Variants in BRCA1 observed in about 807,000 individuals in gnomAD.
BRCA1 encodes BRCA1 DNA repair associated.
Under a neutral mutation model 173.7 loss-of-function variants are expected in BRCA1, and 140 were observed. The ratio of observed to expected loss-of-function variants is 0.81; its 90% CI spans 0.70 to 0.93. The LOEUF is 0.93. BRCA1 is among the 40% of genes least tolerant of loss of function. The pLI is 0.00. For missense variants in BRCA1, 1,983 were observed against 2,172.5 expected, an observed-to-expected ratio of 0.91 and a Z score of 1.73; for synonymous variants, 662 against 756.0, an observed-to-expected ratio of 0.88 and a Z score of 2.04.
intron 7 of BRCA1, among the ~76,000 whole-genome samples, chr17:43,099,243 A>G (rs965754854): frequency 2.6e-5 from 4 of 151,242 alleles, no homozygotes; most frequent in African/African-American, 9.7e-5. Context: ...ATATTTACAC[A>G]TATTTAAAAC....
At chr17:43,151,681 A>G (rs2056162843) in intron 1 of BRCA1, among the ~76,000 whole-genome samples, 1 of 152,154 alleles carries the variant, frequency 6.6e-6, no homozygotes, top group Admixed American at 6.5e-5. Flanking sequence ...CTTGAGGCCA[A>G]TAGTTTGAAA....
chr17:43,050,361 C>T (rs2051153515), intron 20 of BRCA1, among the ~76,000 whole-genome samples: 1 of 152,050 alleles, frequency 6.6e-6, no homozygotes, highest in South Asian at 2.1e-4. Flanking sequence ...GTAATCCTAG[C>T]ACTTTGGGAG....
intron 19 of BRCA1, among the ~76,000 whole-genome samples, chr17:43,056,260 T>C (rs1364406397): frequency 7.3e-5 from 11 of 151,424 alleles, no homozygotes; most frequent in African/African-American, 2.7e-4. Flanking sequence ...TGTAGTCCCC[T>C]CTTCTTGGGC....
At chr17:43,111,747 G>A (rs2055045766) in intron 3 of BRCA1, among the ~76,000 whole-genome samples, 1 of 151,770 alleles carries the variant, frequency 6.6e-6, no homozygotes. Context: ...GTGTGAACCC[G>A]GGAGGTGGAG....
At chr17:43,131,345 T>A in intron 1 of BRCA1, 1 of 455,162 alleles carries the variant, frequency 2.2e-6, no homozygotes, top group Non-Finnish European at 4.4e-6. Flanking sequence ...TGGGCTTTAA[T>A]AATTCGAAGT....
chr17:43,092,006 A>C lies in BRCA1; in HGVS notation c.3525T>G (p.Ala1175=), dbSNP rs1131692086. 1 of 1,614,126 alleles carries C rather than the reference A, an allele frequency of 6.2e-7. No homozygotes were observed. Among genetic ancestry groups the C allele is most frequent in the Non-Finnish European group, 8.5e-7 (1 of 1,180,012 alleles). The change falls in exon 10 of 23, where the codon GCT becomes GCG. Residue 1175 remains alanine, a synonymous_variant. Transcript: ENST00000357654. ...FAENDIKESS[A]VFSKSVQKGE... ...CTTTCTGGACGCTTTTGCTAAAAAC[A>C]GCAGAACTTTCCTTAATGTCATTTT... is the stretch of plus-strand genomic sequence containing the variant.
At chr17:43,152,701 A>G (rs2056170072) in intron 1 of BRCA1, among the ~76,000 whole-genome samples, 1 of 152,098 alleles carries the variant, frequency 6.6e-6, no homozygotes. Flanking sequence ...AAAAAATACA[A>G]AAAATTAACT....
chr17:43,151,996 TATC>T (rs1159529344), intron 1 of BRCA1, among the ~76,000 whole-genome samples: 2 of 152,216 alleles, frequency 1.3e-5, no homozygotes, highest in African/African-American at 4.8e-5. Context: ...TTCCTTTAAA[TATC>T]ATCATAAATA....
Position 43,097,239 on chromosome 17 carries a change from C to T in BRCA1, c.593+5G>A, listed in dbSNP as rs1555594030. ...CTTCATAGACAAAGGTTCTCTTTGA[C>T]TCACCTGCAATAAGTTGCCTTATTA... On this transcript the variant is annotated splice_donor_5th_base_variant and intron_variant, in intron 8 of 22. Transcript: ENST00000357654. The T allele has an allele frequency of 1.2e-6, 2 of 1,613,364 alleles. No individual in the cohort carries two copies. The highest frequency in any genetic ancestry group is 1.7e-6 in the Non-Finnish European group (2 of 1,179,510).
intron 18 of BRCA1, among the ~76,000 whole-genome samples, chr17:43,059,354 C>T (rs530387939): frequency 6.6e-6 from 1 of 152,172 alleles, no homozygotes; most frequent in South Asian, 2.1e-4. Context: ...ATCCCAGCTA[C>T]TCGGGAGGCT....
chr17:43,118,271 T>C (rs1218292053), intron 2 of BRCA1, among the ~76,000 whole-genome samples: 1 of 152,180 alleles, frequency 6.6e-6, no homozygotes, highest in Non-Finnish European at 1.5e-5. Context: ...TAAAATGTAA[T>C]AATCCAGGAG....
rs398122647 is a variant in BRCA1, at chr17:43,093,633, G to A, written c.1898C>T (p.Pro633Leu). 3.1e-6 allele frequency: 5 copies of A among 1,613,828 alleles called. No individual in the cohort carries two copies. In the Admixed American group the frequency reaches 8.3e-5, roughly 27 times the overall value. The stretch of plus-strand genomic sequence containing the variant: ...AATTTGCAATTCAGTACAATTAGGT[G>A]GGCTTAGATTTCTACTGACTACTAG... ...LELVVSRNLS[P>L]PNCTELQIDS... is the part of the protein sequence containing the mutation. The change falls in exon 10 of 23, where the codon CCA becomes CTA. Residue 633 changes from proline (P) to leucine (L), a missense_variant. Physicochemically the swap from Pro to Leu is moderately conservative, Grantham distance 98. Transcript: ENST00000357654.
rs80357102 is a variant in BRCA1, at chr17:43,106,469, C to A, written c.199G>T (p.Asp67Tyr). 132 of 1,596,780 alleles carry A rather than the reference C, an allele frequency of 8.3e-5. No individual in the cohort carries two copies. Among genetic ancestry groups the A allele is most frequent in the Non-Finnish European group, 1.1e-4 (126 of 1,165,696 alleles). Reference sequence around the variant, plus strand: ...CAAATTATATACCTTTTGGTTATATCATTCTTACATAAAGGACACTGTGAA... The same window carrying A: ...CAAATTATATACCTTTTGGTTATATAATTCTTACATAAAGGACACTGTGAA... ...GPSQCPLCKN[D>Y]ITKRSLQEST... The change falls in exon 4 of 23, where the codon GAT (aspartate) becomes TAT (tyrosine). Residue 67 changes from aspartate (D) to tyrosine (Y), a missense_variant. Transcript: ENST00000357654.
chr17:43,083,984 C>T (rs986487474), intron 11 of BRCA1, among the ~76,000 whole-genome samples: 1 of 151,790 alleles, frequency 6.6e-6, no homozygotes, highest in Non-Finnish European at 1.5e-5. Context: ...CCTGCCTCAG[C>T]CTCTCAAGTA....
At chr17:43,145,768 GTTGT>G (rs1408782737) in intron 1 of BRCA1, among the ~76,000 whole-genome samples, 1 of 151,868 alleles carries the variant, frequency 6.6e-6, no homozygotes, top group African/African-American at 2.4e-5. Context: ...TCATTTGCTG[GTTGT>G]TTATTTTTTG....
chr17:43,110,048 C>T (rs2054967540), intron 3 of BRCA1, among the ~76,000 whole-genome samples: 1 of 152,000 alleles, frequency 6.6e-6, no homozygotes, highest in Admixed American at 6.6e-5. Flanking sequence ...GTGCCCGCTA[C>T]CACGCCTGGC....
At chr17:43,072,153 C>G (rs1480223923) in intron 14 of BRCA1, among the ~76,000 whole-genome samples, 1 of 151,806 alleles carries the variant, frequency 6.6e-6, no homozygotes, top group Non-Finnish European at 1.5e-5. Context: ...TTTGGGAGGC[C>G]AAGGTGGGCG....
chr17:43,086,505 T>C (rs892436934), intron 11 of BRCA1, among the ~76,000 whole-genome samples: 1 of 152,226 alleles, frequency 6.6e-6, no homozygotes, highest in African/African-American at 2.4e-5. Context: ...CTGCCTGTGC[T>C]ACTTTAGACG....
chr17:43,048,864 G>A (rs140444440), intron 21 of BRCA1, among the ~76,000 whole-genome samples: 19 of 152,144 alleles, frequency 1.2e-4, no homozygotes, highest in African/African-American at 4.1e-4. Flanking sequence ...AGTATGCTGG[G>A]GCAGTCACAG....
Sources: allele counts gnomAD v4.1 joint callset (sites outside exome capture counted in the v4.1 genomes callset), GRCh38; gene constraint gnomAD v4.1.1; transcripts MANE v1.5; gene names NCBI Gene and HGNC (gene_info 2026-07-23, HGNC 2026-07-21).